Variants in KIF21A observed in about 807,000 individuals in gnomAD.
KIF21A encodes the protein kinesin-like protein KIF21A.
A neutral mutation model predicts 202.9 loss-of-function variants in KIF21A; 114 were observed. That is an observed-to-expected ratio of 0.56 (90% CI 0.48 to 0.66). KIF21A has a LOEUF of 0.66. Among genes scored for constraint, KIF21A ranks in the 30% least tolerant of loss-of-function variants. The pLI is 0.00. For missense variants in KIF21A, 1,677 were observed against 1,994.9 expected (o/e 0.84, Z 3.04); for synonymous variants, 667 against 670.8 (o/e 0.99, Z 0.09).
rs1377545804 is a variant in KIF21A, at chr12:39,341,551, A to G, written c.1875T>C (p.Asp625=). ...CTGATTCATCAGAACTTTCACCCCC[A>G]TCAATGTCATCTTCCTCCTCCTCCT... The part of the protein sequence containing the change: ...EEEEEEEDDI[D]GGESSDESDS... Residue 625 remains aspartate, a synonymous_variant, in exon 14 of 38, where the codon GAT becomes GAC. Transcript: ENST00000361418. The G allele has an allele frequency of 1.2e-6, 2 of 1,612,622 alleles. No individual in the cohort carries two copies. The highest frequency in any genetic ancestry group is 3.3e-5 in the Admixed American group (2 of 59,942).
chr12:39,420,074 T>TAAAAAAAAAAAAAAA (rs72435342), intron 1 of KIF21A, among the ~76,000 whole-genome samples: 1 of 83,122 alleles, frequency 1.2e-5, no homozygotes, highest in Non-Finnish European at 2.4e-5. Flanking sequence ...AGACAGAAAG[T>TAAAAAAAAAAAAAAA]AAAAAAAAAA....
chr12:39,305,381 A>G (rs1174853171), intron 34 of KIF21A, among the ~76,000 whole-genome samples: 1 of 151,452 alleles, frequency 6.6e-6, no homozygotes, highest in African/African-American at 2.4e-5. Context: ...AAAAAAAAAA[A>G]AAAAAAAACA....
intron 1 of KIF21A, among the ~76,000 whole-genome samples, chr12:39,434,020 C>CA (rs1345419462): frequency 6.6e-6 from 1 of 152,144 alleles, no homozygotes; most frequent in Non-Finnish European, 1.5e-5. Context: ...GGAATATAAT[C>CA]AACATGCCCA....
chr12:39,298,907 TCTAGAG>T (rs1312230507), intron 37 of KIF21A, among the ~76,000 whole-genome samples: 1 of 152,196 alleles, frequency 6.6e-6, no homozygotes, highest in African/African-American at 2.4e-5. Context: ...ATACTTAACT[TCTAGAG>T]TTATTCTAAG....
chr12:39,386,597 T>C (rs1309689581), intron 1 of KIF21A, among the ~76,000 whole-genome samples: 1 of 152,138 alleles, frequency 6.6e-6, no homozygotes, highest in African/African-American at 2.4e-5. Flanking sequence ...AACAGTAAGA[T>C]GAAAAGCTAC....
intron 1 of KIF21A, among the ~76,000 whole-genome samples, chr12:39,419,041 C>T (rs1312322148): frequency 1.3e-5 from 2 of 152,140 alleles, no homozygotes; most frequent in African/African-American, 4.8e-5. Flanking sequence ...GGTTCAATGG[C>T]TGGATTCATA....
At chr12:39,345,291 T>C (rs1947800948) in intron 12 of KIF21A, among the ~76,000 whole-genome samples, 1 of 152,148 alleles carries the variant, frequency 6.6e-6, no homozygotes, top group Non-Finnish European at 1.5e-5. Context: ...CATCTTATTT[T>C]TACCTTTCAG....
At chr12:39,337,532 C>T in intron 16 of KIF21A, 1 of 255,632 alleles carries the variant, frequency 3.9e-6, no homozygotes, top group Non-Finnish European at 7.6e-6. Context: ...TTGGTTTGCT[C>T]ATCTATAAAA....
chr12:39,368,166 C>T, intron 3 of KIF21A, 134 bp from the exon 4 acceptor site: 1 of 618,778 alleles, frequency 1.6e-6, no homozygotes, highest in African/African-American at 1.8e-5. Context: ...CAAAATAACA[C>T]ATTAAAATGA....
chr12:39,323,403 G>T (rs1945503528), intron 26 of KIF21A, among the ~76,000 whole-genome samples: 1 of 152,028 alleles, frequency 6.6e-6, no homozygotes, highest in South Asian at 2.1e-4. Flanking sequence ...CTAAATCCTG[G>T]TTTTTCCCAT....
chr12:39,405,732 T>C (rs1388950649), intron 1 of KIF21A, among the ~76,000 whole-genome samples: 1 of 152,186 alleles, frequency 6.6e-6, no homozygotes, highest in Non-Finnish European at 1.5e-5. Context: ...CCCTACATTA[T>C]TGTTGCAAGT....
At chr12:39,432,843 T>C (rs1227998812) in intron 1 of KIF21A, among the ~76,000 whole-genome samples, 2 of 152,140 alleles carry the variant, frequency 1.3e-5, no homozygotes, top group Non-Finnish European at 2.9e-5. Flanking sequence ...ACTTCTGACC[T>C]CAAGTGATCT....
intron 1 of KIF21A, among the ~76,000 whole-genome samples, chr12:39,411,522 T>C (rs1382946079): frequency 6.6e-6 from 1 of 152,126 alleles, no homozygotes; most frequent in Admixed American, 6.5e-5. Context: ...ATAACACGTA[T>C]ACATTTATTT....
intron 28 of KIF21A, 111 bp downstream of exon 28, chr12:39,319,795 A>G (rs1945004515): frequency 2.6e-6 from 2 of 771,942 alleles, no homozygotes; most frequent in Admixed American, 4.2e-5. Flanking sequence ...TCAAATAGTC[A>G]TAACCACAGC....
chr12:39,391,851 GC>G, intron 1 of KIF21A, among the ~76,000 whole-genome samples: 1 of 151,900 alleles, frequency 6.6e-6, no homozygotes, highest in Admixed American at 6.6e-5. Flanking sequence ...GCAATTTTCT[GC>G]CCCAGCCTCC....
chr12:39,404,603 C>T (rs1017785153), intron 1 of KIF21A, among the ~76,000 whole-genome samples: 1 of 152,110 alleles, frequency 6.6e-6, no homozygotes, highest in Non-Finnish European at 1.5e-5. Context: ...CCTCTTTTCC[C>T]TTGAGATAAT....
At position 39,304,946 on chromosome 12, in the gene KIF21A, A is replaced by C. The variant is rs1456173654; in HGVS notation, c.4443-8T>G. 7.8e-7 allele frequency: 1 copy of C among 1,288,482 alleles called. No individual in the cohort carries two copies. The highest frequency in any genetic ancestry group is 1.5e-5 in the African/African-American group (1 of 68,260). 79.8% of individuals were successfully genotyped at this position (1,288,482 alleles called of 1,614,324 possible). On this transcript the variant is annotated splice_region_variant and splice_polypyrimidine_tract_variant and intron_variant, in intron 34 of 37. Transcript: ENST00000361418. ...TTTCCTGTAGACTGAAACCTTTAAA[A>C]ATAAAGAAAAATAGTTTTGTTTAAA...
At chr12:39,323,971 A>C (rs1945569953) in intron 26 of KIF21A, among the ~76,000 whole-genome samples, 1 of 151,970 alleles carries the variant, frequency 6.6e-6, no homozygotes, top group African/African-American at 2.4e-5. Flanking sequence ...TTAGCTGGGC[A>C]TGGTGGCGGG....
intron 12 of KIF21A, 113 bp from the exon 13 acceptor site, chr12:39,342,237 T>G: frequency 1.3e-6 from 1 of 767,620 alleles, no homozygotes; most frequent in Non-Finnish European, 2.3e-6. Context: ...ACTTTAAATG[T>G]TGGTCACTTA....
Sources: gnomAD v4.1 joint callset for allele counts (sites outside exome capture counted in the v4.1 genomes callset) on GRCh38, gnomAD v4.1.1 for gene constraint, MANE v1.5 for transcripts, NCBI Gene and HGNC (gene_info 2026-07-23, HGNC 2026-07-21) for gene names.